Variants in DIP2C observed in about 807,000 individuals in gnomAD.
The protein encoded by DIP2C is disco-interacting protein 2 homolog C.
In DIP2C, 33 loss-of-function variants were observed where a neutral mutation model predicts 192.4. The ratio of observed to expected loss-of-function variants is 0.17; its 90% CI spans 0.13 to 0.23. The LOEUF is 0.23. DIP2C is among the 10% of genes least tolerant of loss of function. The pLI, the probability that DIP2C is intolerant of heterozygous loss-of-function variation, is 1.00. For missense variants in DIP2C, 1,537 were observed against 2,110.1 expected (o/e 0.73, Z 5.32); for synonymous variants, 979 against 864.1 (o/e 1.13, Z -2.33).
rs1335761742 is a variant in DIP2C at position 327,186 on chromosome 10, A to ATG, written c.3754-12_3754-11dup. 6.2e-7 allele frequency: 1 copy of ATG among 1,611,690 alleles called. No homozygotes were observed. Among genetic ancestry groups the ATG allele is most frequent in the Non-Finnish European group, 8.5e-7 (1 of 1,179,202 alleles). On this transcript the variant is annotated splice_polypyrimidine_tract_variant and intron_variant, in intron 30 of 36. Transcript: ENST00000280886. ...AGTCCAGCCCTCGCGCCTGGAGATG[A>ATG]TGACAGAGAAACCGAGTCAGCCCCC...
Position 414,739 on chromosome 10 carries a change from G to GTGTATATATATATATATA in DIP2C, c.860-630_860-629insTATATATATATATATACA. Among the ~76,000 whole-genome samples the GTGTATATATATATATATA allele has an allele frequency of 1.1e-3, 104 of 90,518 alleles. 2 individuals carry two copies. The highest frequency in any genetic ancestry group is 4.0e-3 in the South Asian group (10 of 2,510). 59.4% of individuals were successfully genotyped at this position (90,518 alleles called of 152,430 possible). On this transcript the variant is annotated intron_variant, in intron 7 of 36. Transcript: ENST00000280886. ...TGTGTGTGTGTGTGTGTGTGTGTGT[G>GTGTATATATATATATATA]TACATATATATATATATAATGTGTA...
At chr10:581,651 C>G (rs764391783) in intron 1 of DIP2C, among the ~76,000 whole-genome samples, 1 of 152,122 alleles carries the variant, frequency 6.6e-6, no homozygotes, top group South Asian at 2.1e-4. Flanking sequence ...CCCACCACCA[C>G]GAGAGAATCA....
At chr10:488,768 G>A (rs1844208151) in intron 1 of DIP2C, among the ~76,000 whole-genome samples, 1 of 152,234 alleles carries the variant, frequency 6.6e-6, no homozygotes. Context: ...TGTCGTGGAT[G>A]ACTGTTCATG....
At chr10:457,511 A>G (rs1259644641) in intron 3 of DIP2C, among the ~76,000 whole-genome samples, 1 of 152,204 alleles carries the variant, frequency 6.6e-6, no homozygotes, top group Non-Finnish European at 1.5e-5. Context: ...GATATGTCCA[A>G]AATTCCCTCT....
intron 17 of DIP2C, among the ~76,000 whole-genome samples, chr10:370,533 T>A (rs906680517): frequency 2.0e-5 from 3 of 152,034 alleles, no homozygotes; most frequent in African/African-American, 7.3e-5. Context: ...CAGACCCAAC[T>A]CTCCCAAGAG....
intron 3 of DIP2C, among the ~76,000 whole-genome samples, chr10:464,842 A>G (rs1200787923): frequency 8.6e-5 from 13 of 151,986 alleles, no homozygotes; most frequent in Non-Finnish European, 1.9e-4. Flanking sequence ...ACCAGGAAGA[A>G]GTTGAATCTC....
intron 1 of DIP2C, among the ~76,000 whole-genome samples, chr10:586,988 C>A (rs1050070460): frequency 2.0e-5 from 3 of 151,840 alleles, no homozygotes; most frequent in Non-Finnish European, 4.4e-5. Flanking sequence ...TCCCCACTGA[C>A]AGCATGGCGA....
chr10:355,283 A>C (rs1034397566), intron 24 of DIP2C, among the ~76,000 whole-genome samples: 50 of 152,240 alleles, frequency 3.3e-4, no homozygotes, highest in African/African-American at 1.2e-3. Context: ...TGACAACGTC[A>C]AGACGACACG....
At chr10:416,433 C>G (rs1266017201) in intron 6 of DIP2C, among the ~76,000 whole-genome samples, 1 of 152,142 alleles carries the variant, frequency 6.6e-6, no homozygotes, top group Non-Finnish European at 1.5e-5. Context: ...ACCACCACGC[C>G]CAAGCCCTGT....
Position 362,578 on chromosome 10 carries a change from A to G in DIP2C, c.2706T>C (p.Phe902=), listed in dbSNP as rs79616841. The G allele has an allele frequency of 8.2e-5, 132 of 1,614,156 alleles. 1 individual carries two copies. In the East Asian group the frequency reaches 2.7e-3, roughly 33 times the overall value. The stretch of plus-strand genomic sequence containing the variant: ...TGCAGGGGTGCAGAGAGCCCTCCAG[A>G]AAAAGCTGTTTTGTTTCTGATAAAT... ...GIHLSETKQL[F]LEGSLHPCNV... is the part of the protein sequence containing the mutation. Residue 902 remains phenylalanine (F), a synonymous_variant, in exon 22 of 37, where the codon TTT becomes TTC. Coordinates refer to ENST00000280886, the MANE Select transcript of DIP2C (RefSeq NM_014974.3).
At chr10:372,806 A>G (rs115746445) in intron 17 of DIP2C, among the ~76,000 whole-genome samples, 207 of 151,126 alleles carry the variant, frequency 1.4e-3, no homozygotes, top group Middle Eastern at 3.5e-3. Context: ...GCACACAGGC[A>G]GGCACAGAAG....
At chr10:552,050 C>T (rs1305619425) in intron 1 of DIP2C, among the ~76,000 whole-genome samples, 1 of 152,208 alleles carries the variant, frequency 6.6e-6, no homozygotes, top group Non-Finnish European at 1.5e-5. Context: ...CTTCGGAAGA[C>T]GTTGCACTGA....
intron 3 of DIP2C, among the ~76,000 whole-genome samples, chr10:445,687 C>CAT (rs1277041736): frequency 6.7e-6 from 1 of 149,812 alleles, no homozygotes; most frequent in Non-Finnish European, 1.5e-5. Flanking sequence ...TTGCACTGGA[C>CAT]ATCTGTATAC....
At chr10:401,965 C>A (rs368121028) in intron 9 of DIP2C, among the ~76,000 whole-genome samples, 13 of 130,942 alleles carry the variant, frequency 9.9e-5, no homozygotes, top group East Asian at 4.7e-4. Flanking sequence ...GTATGTGTTC[C>A]TCAGCACATA....
In DIP2C at chr10:403,867, A is replaced by G. The variant is rs1279651355; in HGVS notation, c.1150-4648T>C. 6.1e-5 allele frequency among the ~76,000 whole-genome samples: 6 copies of G among 98,856 alleles called. 1 individual carries two copies. The highest frequency in any genetic ancestry group is 1.0e-4 in the Non-Finnish European group (5 of 47,886). 64.9% of individuals were successfully genotyped at this position (98,856 alleles called of 152,430 possible). On this transcript the variant is annotated intron_variant, in intron 9 of 36. Transcript: ENST00000280886. ...GTGATTTTACACGTGTGGTGGCATT[A>G]GCATTACTCTTCCTTATGGACAAGT...
intron 34 of DIP2C, 67 bp downstream of exon 34, chr10:286,206 G>A (rs1955115966): frequency 6.8e-7 from 1 of 1,468,132 alleles, no homozygotes; most frequent in Non-Finnish European, 9.5e-7. Flanking sequence ...CAGTTCTGAT[G>A]GTGTCAAGGC....
At chr10:575,478 C>G (rs1001473533) in intron 1 of DIP2C, among the ~76,000 whole-genome samples, 1 of 152,202 alleles carries the variant, frequency 6.6e-6, no homozygotes, top group Admixed American at 6.5e-5. Flanking sequence ...TCTGCCAAAA[C>G]AAACGCAAAA....
At chr10:407,698 T>A (rs4881255) in intron 9 of DIP2C, among the ~76,000 whole-genome samples, 1 of 151,948 alleles carries the variant, frequency 6.6e-6, no homozygotes, top group Non-Finnish European at 1.5e-5. Flanking sequence ...CATCTTTTCA[T>A]GTGTTTATCG....
At chr10:595,078 G>T (rs1049443321) in intron 1 of DIP2C, among the ~76,000 whole-genome samples, 1 of 152,196 alleles carries the variant, frequency 6.6e-6, no homozygotes, top group Admixed American at 6.5e-5. Flanking sequence ...CTTCTACATG[G>T]CATCAGCCTC....
Sources: allele counts gnomAD v4.1 joint callset (sites outside exome capture counted in the v4.1 genomes callset), GRCh38; gene constraint gnomAD v4.1.1; transcripts MANE v1.5; gene names NCBI Gene and HGNC (gene_info 2026-07-23, HGNC 2026-07-21).